The following SPIDR variants were observed in gnomAD, a reference collection of about 807,000 sequenced individuals.
SPIDR encodes the protein scaffold protein involved in DNA repair.
A neutral mutation model predicts 104.6 loss-of-function variants in SPIDR; 93 were observed. The observed-to-expected ratio is 0.89, with a 90% CI of 0.75 to 1.06. The LOEUF is 1.06. Ranked by LOEUF, SPIDR falls within the 50% of genes least tolerant of loss-of-function variation. The probability of loss-of-function intolerance (pLI) is 0.00; values close to 1 mark genes in which losing one functional copy is unlikely to be tolerated. For missense variants in SPIDR, 1,154 were observed against 1,111.2 expected (o/e 1.04, Z -0.55); for synonymous variants, 431 against 416.9 (o/e 1.03, Z -0.41).
chr8:47,589,801 T>A (rs760544559), intron 8 of SPIDR, among the ~76,000 whole-genome samples: 4 of 152,206 alleles, frequency 2.6e-5, no homozygotes, highest in Admixed American at 1.3e-4. Context: ...AATTCATTGA[T>A]CTTTTCAAAT....
rs565671157 is a variant in SPIDR, at chr8:47,563,230, C to T, written c.1098-32581C>T. On this transcript the variant is annotated intron_variant, in intron 8 of 19. Transcript: ENST00000297423. ...TGTCGCCTAGGCTGAAGTGCAGTGG[C>T]CCCGTCAGGGCTCACTGCAGCCTCG... Among the ~76,000 whole-genome samples, 7 of 152,094 alleles carry T rather than the reference C, an allele frequency of 4.6e-5. No individual in the cohort carries two copies. The East Asian group carries it at 9.7e-4, about 21-fold the overall frequency.
intron 8 of SPIDR, among the ~76,000 whole-genome samples, chr8:47,500,000 C>G (rs1327453008): frequency 6.6e-6 from 1 of 152,182 alleles, no homozygotes; most frequent in Non-Finnish European, 1.5e-5. Context: ...GCATAGTATT[C>G]CATGGTGTAT....
chr8:47,405,294 G>GTA (rs1491070126), intron 6 of SPIDR, among the ~76,000 whole-genome samples: 3 of 125,932 alleles, frequency 2.4e-5, no homozygotes, highest in Admixed American at 2.2e-4. Context: ...CATGGCACGT[G>GTA]TGTGTGTGTG....
At chr8:47,417,022 A>G (rs1554675918) in intron 7 of SPIDR, among the ~76,000 whole-genome samples, 1 of 152,036 alleles carries the variant, frequency 6.6e-6, no homozygotes, top group Non-Finnish European at 1.5e-5. Flanking sequence ...AATCCAGTCT[A>G]TGATTTTTGG....
At chr8:47,714,211 T>C (rs1000806893) in intron 16 of SPIDR, among the ~76,000 whole-genome samples, 1 of 152,012 alleles carries the variant, frequency 6.6e-6, no homozygotes, top group Non-Finnish European at 1.5e-5. Context: ...GTGGAGGGAC[T>C]GGGTGGCAGA....
intron 14 of SPIDR, among the ~76,000 whole-genome samples, chr8:47,708,401 T>C (rs917021961): frequency 2.6e-5 from 4 of 152,206 alleles, no homozygotes; most frequent in South Asian, 2.1e-4. Flanking sequence ...CACAGCAAAA[T>C]TGAGAGGAAG....
At chr8:47,343,081 G>A (rs1193689362) in intron 5 of SPIDR, among the ~76,000 whole-genome samples, 1 of 152,048 alleles carries the variant, frequency 6.6e-6, no homozygotes, top group Non-Finnish European at 1.5e-5. Context: ...TTGTAGCCTT[G>A]TTTTGTTTAT....
At chr8:47,601,182 T>C (rs2062230640) in intron 10 of SPIDR, among the ~76,000 whole-genome samples, 1 of 152,142 alleles carries the variant, frequency 6.6e-6, no homozygotes, top group Admixed American at 6.5e-5. Context: ...GAAAACAACA[T>C]CCAGTTATTC....
rs2038659143 is a variant in SPIDR at position 47,285,464 on chromosome 8, T to C, written c.256+1370T>C. Among the ~76,000 whole-genome samples the C allele has an allele frequency of 3.3e-5, 5 of 152,236 alleles. 1 individual carries two copies. The highest frequency in any genetic ancestry group is 2.6e-4 in the Admixed American group (4 of 15,288). On this transcript the variant is annotated intron_variant, in intron 3 of 19. Transcript: ENST00000297423. Reference sequence around the variant, plus strand: ...CATTACAAAAGCATGTTCCTGATTCTGCTTCCCAGCTGTCATAAAAATACT... The same window carrying C: ...CATTACAAAAGCATGTTCCTGATTCCGCTTCCCAGCTGTCATAAAAATACT...
chr8:47,554,553 G>A (rs1290921978), intron 8 of SPIDR, among the ~76,000 whole-genome samples: 3 of 152,236 alleles, frequency 2.0e-5, no homozygotes, highest in African/African-American at 4.8e-5. Flanking sequence ...TCTGAGCCAT[G>A]CGCGGGATAT....
chr8:47,351,742 G>A (rs1049908729), intron 5 of SPIDR, among the ~76,000 whole-genome samples: 6 of 152,130 alleles, frequency 3.9e-5, no homozygotes, highest in East Asian at 1.9e-4. Context: ...GAAGTGATAC[G>A]TAGGCATTGT....
At chr8:47,514,547 G>A (rs184719271) in intron 8 of SPIDR, among the ~76,000 whole-genome samples, 1 of 152,164 alleles carries the variant, frequency 6.6e-6, no homozygotes, top group Admixed American at 6.5e-5. Flanking sequence ...AAACAGTGAG[G>A]CATAAAAGAG....
At chr8:47,600,569 A>G (rs2062147738) in intron 10 of SPIDR, among the ~76,000 whole-genome samples, 1 of 152,224 alleles carries the variant, frequency 6.6e-6, no homozygotes, top group Non-Finnish European at 1.5e-5. Flanking sequence ...TGGAATATGT[A>G]TGTTTGTAAA....
At chr8:47,472,727 A>G (rs781894623) in intron 8 of SPIDR, among the ~76,000 whole-genome samples, 3 of 152,210 alleles carry the variant, frequency 2.0e-5, no homozygotes, top group Non-Finnish European at 2.9e-5. Context: ...AACCCAAGTA[A>G]TTACCTGTCA....
At chr8:47,409,520 T>C (rs1301383599) in intron 7 of SPIDR, among the ~76,000 whole-genome samples, 1 of 152,154 alleles carries the variant, frequency 6.6e-6, no homozygotes, top group Non-Finnish European at 1.5e-5. Flanking sequence ...CTATTATTAG[T>C]CTTTCCTGAG....
In SPIDR at chr8:47,511,661, C is replaced by G. The variant is rs935100110; in HGVS notation, c.1097+71119C>G. 6 of 822,940 alleles carry G rather than the reference C, an allele frequency of 7.3e-6. No individual in the cohort carries two copies. In the Admixed American group the frequency reaches 8.5e-5, roughly 12 times the overall value. The allele number at this position is 822,940 out of a possible 1,614,324, so 51.0% of individuals were successfully genotyped here. A position where few individuals can be genotyped will look rare whatever the true frequency, so the allele number is the denominator to read the frequency against. Reference sequence around the variant, plus strand: ...CCTGCCACATAAGCAGACTCTTCCTCTGGTGCTGCCCCAAGGCCATAGCCA... The same window carrying G: ...CCTGCCACATAAGCAGACTCTTCCTGTGGTGCTGCCCCAAGGCCATAGCCA... On this transcript the variant is annotated intron_variant, in intron 8 of 19. Transcript: ENST00000297423.
At chr8:47,625,356 T>A (rs2065890282) in intron 10 of SPIDR, among the ~76,000 whole-genome samples, 1 of 152,150 alleles carries the variant, frequency 6.6e-6, no homozygotes, top group African/African-American at 2.4e-5. Flanking sequence ...TCACCACTCC[T>A]ATTCAACATA....
rs375096078 is a variant in SPIDR at position 47,288,078 on chromosome 8, C to T, written c.257-2955C>T. ...TTCCTCTGCGGTGGCTCCAGCTCGT[C>T]CCTCTGTTCGGGGTCCCTGACTTCC... On this transcript the variant is annotated intron_variant, in intron 3 of 19. Coordinates refer to ENST00000297423, the MANE Select transcript of SPIDR (RefSeq NM_001080394.4). Among the ~76,000 whole-genome samples, 601 of 152,206 alleles carry T rather than the reference C, an allele frequency of 3.9e-3. 4 individuals are homozygous for T. Among genetic ancestry groups the T allele is most frequent in the South Asian group, 0.022 (108 of 4,818 alleles).
chr8:47,643,506 A>C (rs2069591315), intron 10 of SPIDR, among the ~76,000 whole-genome samples: 1 of 133,326 alleles, frequency 7.5e-6, no homozygotes, highest in Non-Finnish European at 1.6e-5. Flanking sequence ...ATATCACCAC[A>C]CCTGGCTAGT....
Sources: gnomAD v4.1 joint callset for allele counts (sites outside exome capture counted in the v4.1 genomes callset) on GRCh38, gnomAD v4.1.1 for gene constraint, MANE v1.5 for transcripts, NCBI Gene and HGNC (gene_info 2026-07-23, HGNC 2026-07-21) for gene names.